SPACA6: variants seen among roughly 807,000 people sequenced by gnomAD.
SPACA6 encodes sperm acrosome associated 6.
For synonymous variants in SPACA6, 6 were observed against 1.5 expected, an observed-to-expected ratio of 4.05 and a Z score of -2.21; for missense variants, 8 against 2.8, an observed-to-expected ratio of 2.88 and a Z score of -1.34.
downstream of SPACA6, among the ~76,000 whole-genome samples, chr19:51,706,893 A>G (rs2083518664): frequency 1.3e-5 from 2 of 152,178 alleles, no homozygotes; most frequent in Admixed American, 1.3e-4. Context: ...TCCTCACCTC[A>G]GGTGATCCAC....
At chr19:51,699,753 A>C (rs1288090580) in intron 2 of SPACA6, among the ~76,000 whole-genome samples, 3 of 152,196 alleles carry the variant, frequency 2.0e-5, no homozygotes, top group East Asian at 1.9e-4. Flanking sequence ...TTAAGAACCA[A>C]GTACAGTCAC....
chr19:51,683,486 A>G, the SPACA6 span, among the ~76,000 whole-genome samples: 5 of 152,184 alleles, frequency 3.3e-5, no homozygotes, highest in Non-Finnish European at 5.9e-5. Flanking sequence ...TGGGAGGAGA[A>G]GCACCTGGTG....
At chr19:51,706,160 C>G (rs28473660), downstream of SPACA6, among the ~76,000 whole-genome samples, 14,652 of 152,186 alleles carry the variant, frequency 0.096, 1,034 homozygotes, top group African/African-American at 0.2. Context: ...TCCCATACCC[C>G]TTTCCTCCTT....
downstream of SPACA6, among the ~76,000 whole-genome samples, chr19:51,707,120 G>T (rs1000599205): frequency 4.6e-5 from 7 of 152,128 alleles, no homozygotes; most frequent in African/African-American, 1.7e-4. Context: ...TATTTTCAAG[G>T]CACTGTAGAG....
At chr19:51,702,701 CGGGGA>C (rs2083478864) in intron 4 of SPACA6, 49 bp downstream of exon 4, 1 of 398,916 alleles carries the variant, frequency 2.5e-6, no homozygotes, top group African/African-American at 2.1e-5. Context: ...GGGAGGCGGT[CGGGGA>C]CGAAACGTAC....
the SPACA6 span, among the ~76,000 whole-genome samples, chr19:51,683,214 T>C: frequency 6.6e-6 from 1 of 152,198 alleles, no homozygotes; most frequent in Admixed American, 6.5e-5. Flanking sequence ...ATGCATCACT[T>C]GAATCTCTCT....
Position 51,702,643 on chromosome 19 carries a change from C to T in SPACA6, c.376C>T (p.Pro126Ser). ...TTCCTCCACAGCCCAGGCTTGCATC[C>T]CTCCCTGCGGTAAGGACTTCATCTA... Reference protein sequence around the residue: ...TQLKEAQACIPPCGLQEFARR... With the variant: ...TQLKEAQACISPCGLQEFARR... Residue 126 changes from proline to serine, a missense_variant, in exon 4 of 9, where the codon CCT becomes TCT. Physicochemically the swap from Pro to Ser is moderately conservative, Grantham distance 74. Transcript: ENST00000637797. 2.5e-6 allele frequency: 1 copy of T among 399,218 alleles called. No homozygotes were observed. The highest frequency in any genetic ancestry group is 2.1e-5 in the African/African-American group (1 of 48,744). 24.7% of individuals were successfully genotyped at this position (399,218 alleles called of 1,614,324 possible).
At chr19:51,711,378 G>A (rs1473718095) in intron 2 of SPACA6, among the ~76,000 whole-genome samples, 2 of 152,188 alleles carry the variant, frequency 1.3e-5, no homozygotes, top group Non-Finnish European at 2.9e-5. Context: ...TAATCAAAAA[G>A]TCGGGTAATA....
chr19:51,709,980 G>A (rs115996754), downstream of SPACA6, among the ~76,000 whole-genome samples: 464 of 152,318 alleles, frequency 3.0e-3, 3 homozygotes, highest in African/African-American at 0.011. Flanking sequence ...GTCCAGTAGC[G>A]CAGCACCAGC....
At chr19:51,710,510 G>A (rs1036070834) in intron 2 of SPACA6, among the ~76,000 whole-genome samples, 8 of 152,222 alleles carry the variant, frequency 5.3e-5, no homozygotes, top group Non-Finnish European at 8.8e-5. Flanking sequence ...AGGGAGGAAG[G>A]CGAGAAGATA....
chr19:51,710,149 C>G (rs1183315273), downstream of SPACA6, among the ~76,000 whole-genome samples: 1 of 152,166 alleles, frequency 6.6e-6, no homozygotes, highest in Non-Finnish European at 1.5e-5. Flanking sequence ...TTACATAGTT[C>G]CTGCTCTATG....
chr19:51,712,526 CG>C (rs1255840349), downstream of SPACA6: 1 of 151,700 alleles, frequency 6.6e-6, no homozygotes, highest in Non-Finnish European at 1.5e-5. Context: ...GGAGAACTGA[CG>C]GAGGATCAGG....
rs113592826 is a variant in SPACA6 at position 51,702,514 on chromosome 19, C to T, written c.362-115C>T. 3.5e-5 allele frequency: 14 copies of T among 394,558 alleles called. 1 individual carries two copies. The highest frequency in any genetic ancestry group is 2.7e-4 in the African/African-American group (13 of 47,964). The allele number at this position is 394,558 out of a possible 1,614,324, so 24.4% of individuals were successfully genotyped here. On this transcript the variant is annotated intron_variant, in intron 3 of 8. Coordinates refer to ENST00000637797, the MANE Select transcript of SPACA6 (RefSeq NM_001316972.2). ...CCCCGCCCCCAGGTTATGACGAAAG[C>T]TTGGCCCCGCCCCCTCGGAGCAATG...
chr19:51,709,863 TGA>T (rs2122236687), downstream of SPACA6, among the ~76,000 whole-genome samples: 1 of 152,264 alleles, frequency 6.6e-6, no homozygotes, highest in South Asian at 2.1e-4. Flanking sequence ...TGGGATTTGC[TGA>T]TGGTTCAGAA....
At chr19:51,712,571 GACAA>G (rs2083547499), downstream of SPACA6, among the ~76,000 whole-genome samples, 1 of 152,122 alleles carries the variant, frequency 6.6e-6, no homozygotes, top group African/African-American at 2.4e-5. Flanking sequence ...TCTTTGAGCA[GACAA>G]AGAGGACATA....
chr19:51,691,273 G>A (rs776147600), upstream of SPACA6, among the ~76,000 whole-genome samples: 4 of 151,698 alleles, frequency 2.6e-5, no homozygotes, highest in Non-Finnish European at 5.9e-5. Flanking sequence ...ACCTAAGAGG[G>A]AGGGAAGGAG....
chr19:51,687,046 G>A (rs1385537769), upstream of SPACA6: 5 of 152,176 alleles, frequency 3.3e-5, no homozygotes, highest in African/African-American at 1.2e-4. Flanking sequence ...AGGATCACTT[G>A]AGGTCAGAAG....
At chr19:51,699,952 T>C (rs1450543258) in intron 2 of SPACA6, among the ~76,000 whole-genome samples, 1 of 152,124 alleles carries the variant, frequency 6.6e-6, no homozygotes, top group African/African-American at 2.4e-5. Context: ...TTGGAGGCCA[T>C]TGCAGTGGTC....
upstream of SPACA6, among the ~76,000 whole-genome samples, chr19:51,691,098 A>T (rs2083367714): frequency 6.9e-6 from 1 of 145,120 alleles, no homozygotes; most frequent in African/African-American, 2.6e-5. Context: ...CCCCCTCCTC[A>T]GGTCGCTACC....
Sources: gnomAD v4.1 joint callset for allele counts (sites outside exome capture counted in the v4.1 genomes callset) on GRCh38, gnomAD v4.1.1 for gene constraint, MANE v1.5 for transcripts, NCBI Gene and HGNC (gene_info 2026-07-23, HGNC 2026-07-21) for gene names.